Variants in PDCD6IP observed in about 807,000 individuals in gnomAD.
The protein encoded by PDCD6IP is programmed cell death 6-interacting protein.
A neutral mutation model predicts 103.7 loss-of-function variants in PDCD6IP; 43 were observed. That is an observed-to-expected ratio of 0.41 (90% CI 0.32 to 0.53). The LOEUF is 0.53. Ranked by LOEUF, PDCD6IP falls within the 20% of genes least tolerant of loss-of-function variation. The pLI is 0.16. For synonymous variants in PDCD6IP, 354 were observed against 378.7 expected (o/e 0.93, Z 0.76); for missense variants, 871 against 1,036.7 (o/e 0.84, Z 2.20).
intron 1 of PDCD6IP, among the ~76,000 whole-genome samples, chr3:33,805,196 A>C (rs1312963460): frequency 1.3e-5 from 2 of 151,958 alleles, no homozygotes; most frequent in Non-Finnish European, 2.9e-5. Flanking sequence ...CTCTACTAAA[A>C]ATACAAAAAG....
In PDCD6IP at chr3:33,825,349, A is replaced by G; in HGVS notation, c.616+9A>G. On this transcript the variant is annotated intron_variant, in intron 5 of 17. Transcript: ENST00000307296. ...TTTAAAAGCCACAAGAGGTAACTCC[A>G]ATTTATCTTTTTGTTGCATGTGAAA... 6.3e-7 allele frequency: 1 copy of G among 1,583,964 alleles called. No individual in the cohort carries two copies. Among genetic ancestry groups the G allele is most frequent in the Non-Finnish European group, 8.5e-7 (1 of 1,171,566 alleles).
At chr3:33,863,698 G>A (rs181918356) in intron 15 of PDCD6IP, among the ~76,000 whole-genome samples, 1 of 152,264 alleles carries the variant, frequency 6.6e-6, no homozygotes, top group East Asian at 1.9e-4. Flanking sequence ...TATTTTGGCT[G>A]TTGGAAGTGC....
rs1395786593 is a variant in PDCD6IP, at chr3:33,826,480, A to T, written c.617A>T (p.Asp206Val). The change falls in exon 6 of 18, where the codon GAT becomes GTT. Residue 206 changes from aspartate to valine, a missense_variant and splice_region_variant. Asp to Val is a radical substitution (Grantham distance 152). This residue lies in a region of PDCD6IP where 242 missense variants were observed against 250.7 expected (regional missense o/e 0.97). Transcript: ENST00000307296. ...TTATAATGGTCATATTGTATTCCAG[A>T]TAAAATGAAAGATGCCATCATAGCT... ...QEVFFLKATR[D>V]KMKDAIIAKL... 1 of 1,598,482 alleles carries T rather than the reference A, an allele frequency of 6.3e-7. No individual in the cohort carries two copies. Among genetic ancestry groups the T allele is most frequent in the African/African-American group, 1.3e-5 (1 of 74,556 alleles).
Position 33,836,113 on chromosome 3 carries a change from G to A in PDCD6IP, c.904G>A (p.Asp302Asn). The A allele has an allele frequency of 6.2e-7, 1 of 1,612,084 alleles. No homozygotes were observed. Among genetic ancestry groups the A allele is most frequent in the Non-Finnish European group, 8.5e-7 (1 of 1,178,516 alleles). The stretch of plus-strand genomic sequence containing the variant: ...ATATGTTAATGTGAAGGATTTTTCT[G>A]ACAAAATCAATCGTGCCCTTGCTGC... The part of the protein sequence containing the change: ...DEYVNVKDFS[D>N]KINRALAAAK... Residue 302 changes from aspartate (D) to asparagine (N), a missense_variant, in exon 8 of 18, where the codon GAC becomes AAC. Asp to Asn is a conservative substitution (Grantham distance 23). Coordinates refer to ENST00000307296, the MANE Select transcript of PDCD6IP (RefSeq NM_013374.6).
chr3:33,855,345 T>C, intron 15 of PDCD6IP, 85 bp downstream of exon 15: 2 of 769,970 alleles, frequency 2.6e-6, no homozygotes, highest in Non-Finnish European at 4.5e-6. Context: ...AACTTGGTAG[T>C]ATGAGATAGC....
chr3:33,811,240 G>A lies in PDCD6IP; in HGVS notation c.210-832G>A, dbSNP rs561264141. The A allele has an allele frequency of 6.4e-5, 12 of 186,514 alleles. No individual in the cohort carries two copies. The South Asian group carries it at 9.1e-4, about 14-fold the overall frequency. The allele number at this position is 186,514 out of a possible 1,614,324, so 11.6% of individuals were successfully genotyped here. On this transcript the variant is annotated intron_variant, in intron 1 of 17. Coordinates refer to ENST00000307296, the MANE Select transcript of PDCD6IP (RefSeq NM_013374.6). Reference sequence around the variant, plus strand: ...AAACTTGGCTTCCATTATCTTCAATGTATTTACTTAATTGGATAGTTTTTC... The same window carrying A: ...AAACTTGGCTTCCATTATCTTCAATATATTTACTTAATTGGATAGTTTTTC...
At chr3:33,860,543 C>G (rs1047526679) in intron 15 of PDCD6IP, among the ~76,000 whole-genome samples, 3 of 152,182 alleles carry the variant, frequency 2.0e-5, no homozygotes, top group Non-Finnish European at 4.4e-5. Flanking sequence ...CCCAGTCAGT[C>G]AGTCTTTATC....
chr3:33,859,955 G>C, intron 15 of PDCD6IP, among the ~76,000 whole-genome samples: 1 of 152,156 alleles, frequency 6.6e-6, no homozygotes, highest in East Asian at 1.9e-4. Flanking sequence ...AGCTATACTT[G>C]TATAGTGAAA....
At chr3:33,856,867 T>C (rs1328335688) in intron 15 of PDCD6IP, among the ~76,000 whole-genome samples, 1 of 152,178 alleles carries the variant, frequency 6.6e-6, no homozygotes, top group Non-Finnish European at 1.5e-5. Context: ...AAATACATGC[T>C]AAAGATTTTA....
At chr3:33,856,777 C>T (rs1341599009) in intron 15 of PDCD6IP, among the ~76,000 whole-genome samples, 3 of 152,122 alleles carry the variant, frequency 2.0e-5, no homozygotes, top group Non-Finnish European at 4.4e-5. Context: ...GCTGGCAGCT[C>T]TGTATGCCAG....
chr3:33,868,768 A>G lies in PDCD6IP; in HGVS notation c.*2243A>G, dbSNP rs1241858149. 1 of 152,214 alleles carries G rather than the reference A, an allele frequency of 6.6e-6. No homozygotes were observed. Among genetic ancestry groups the G allele is most frequent in the Non-Finnish European group, 1.5e-5 (1 of 68,038 alleles). 9.4% of individuals were successfully genotyped at this position (152,214 alleles called of 1,614,324 possible). A position where few individuals can be genotyped will look rare whatever the true frequency, so the allele number is the denominator to read the frequency against. On this transcript the variant is annotated 3_prime_UTR_variant, in exon 18 of 18. Coordinates refer to ENST00000307296, the MANE Select transcript of PDCD6IP (RefSeq NM_013374.6). Reference sequence around the variant, plus strand: ...AAATCAAGGAAAGGAAATCATCCCCAGACCATTTATGCTGAGCTTTGGAAT... The same window carrying G: ...AAATCAAGGAAAGGAAATCATCCCCGGACCATTTATGCTGAGCTTTGGAAT...
At position 33,864,038 on chromosome 3, in the gene PDCD6IP, G is replaced by A; in HGVS notation, c.2153G>A (p.Ser718Asn). The A allele has an allele frequency of 1.2e-6, 2 of 1,614,022 alleles. No individual in the cohort carries two copies. The highest frequency in any genetic ancestry group is 1.7e-6 in the Non-Finnish European group (2 of 1,179,912). ...CAACAAAGCATTGCCAGAGAACCTA[G>A]TGCTCCTTCAATTCCTACACCTGCG... ...DLQQSIAREPSAPSIPTPAYQ... is the reference protein window; with the variant it reads ...DLQQSIAREPNAPSIPTPAYQ... Residue 718 changes from serine (S) to asparagine (N), a missense_variant, in exon 16 of 18, where the codon AGT (serine) becomes AAT (asparagine). By Grantham distance (46) the Ser-to-Asn change is conservative (BLOSUM62 1). Coordinates refer to ENST00000307296, the MANE Select transcript of PDCD6IP (RefSeq NM_013374.6).
chr3:33,811,625 A>G (rs1435083541), intron 1 of PDCD6IP, among the ~76,000 whole-genome samples: 1 of 152,252 alleles, frequency 6.6e-6, no homozygotes, highest in Non-Finnish European at 1.5e-5. Flanking sequence ...TAGCTGAAAG[A>G]CAGTGGTAGC....
At chr3:33,805,028 T>G (rs1696560894) in intron 1 of PDCD6IP, among the ~76,000 whole-genome samples, 1 of 152,158 alleles carries the variant, frequency 6.6e-6, no homozygotes, top group South Asian at 2.1e-4. Flanking sequence ...GTGGATTGGT[T>G]GTTCTTGATC....
At chr3:33,845,286 A>C in intron 11 of PDCD6IP, 133 bp from the exon 12 acceptor site, 1 of 519,346 alleles carries the variant, frequency 1.9e-6, no homozygotes, top group Non-Finnish European at 3.4e-6. Flanking sequence ...AGCTGTTTTT[A>C]TTATGAAGTG....
chr3:33,819,414 G>A (rs1329224561), intron 3 of PDCD6IP, among the ~76,000 whole-genome samples: 4 of 152,072 alleles, frequency 2.6e-5, no homozygotes, highest in African/African-American at 7.3e-5. Context: ...TTTATTTTGG[G>A]CTTAGTTTTT....
In PDCD6IP at chr3:33,798,640, C is replaced by G; in HGVS notation, c.-89C>G. On this transcript the variant is annotated 5_prime_UTR_variant, in exon 1 of 18. Coordinates refer to ENST00000307296, the MANE Select transcript of PDCD6IP (RefSeq NM_013374.6). The stretch of plus-strand genomic sequence containing the variant: ...GCAAGTCTGTCAGCCAGTCAGTCCG[C>G]CAGTCCGCCAGCCCAGTACCTCTCT... The G allele has an allele frequency of 8.0e-7, 1 of 1,242,252 alleles. No individual in the cohort carries two copies. The highest frequency in any genetic ancestry group is 3.0e-5 in the Admixed American group (1 of 33,842). The allele number at this position is 1,242,252 out of a possible 1,614,324, so 77.0% of individuals were successfully genotyped here.
chr3:33,798,655 A>T lies in PDCD6IP; in HGVS notation c.-74A>T. 1 of 1,354,388 alleles carries T rather than the reference A, an allele frequency of 7.4e-7. No individual in the cohort carries two copies. Among genetic ancestry groups the T allele is most frequent in the Non-Finnish European group, 1.0e-6 (1 of 1,002,656 alleles). The allele number at this position is 1,354,388 out of a possible 1,614,324, so 83.9% of individuals were successfully genotyped here. ...AGTCAGTCCGCCAGTCCGCCAGCCC[A>T]GTACCTCTCTCTCCTCGGCCCTCGT... On this transcript the variant is annotated 5_prime_UTR_variant, in exon 1 of 18. Coordinates refer to ENST00000307296, the MANE Select transcript of PDCD6IP (RefSeq NM_013374.6).
chr3:33,810,961 C>T (rs536540244), intron 1 of PDCD6IP: 1 of 224,316 alleles, frequency 4.5e-6, no homozygotes, highest in East Asian at 1.8e-4. Context: ...TGTCTTGGCC[C>T]ACTGCAGCCA....
Sources: allele counts gnomAD v4.1 joint callset (sites outside exome capture counted in the v4.1 genomes callset), GRCh38; gene constraint gnomAD v4.1.1; regional missense constraint gnomAD v4.1.1; transcripts MANE v1.5; gene names NCBI Gene and HGNC (gene_info 2026-07-23, HGNC 2026-07-21).